SPAG16: variants seen among roughly 807,000 people sequenced by gnomAD.
The protein encoded by SPAG16 is sperm associated antigen 16, also known as sperm-associated antigen 16 protein.
SPAG16 carries 86 observed loss-of-function variants against 80.4 expected under a neutral mutation model. That is an observed-to-expected ratio of 1.07 (90% CI 0.90 to 1.28). The LOEUF (loss-of-function observed/expected upper bound fraction) is 1.28, where lower values mean the gene tolerates loss of function less well. Ranked by LOEUF, SPAG16 falls within the 50% of genes most tolerant of loss-of-function variation. The probability of loss-of-function intolerance (pLI) is 0.00; values close to 1 mark genes in which losing one functional copy is unlikely to be tolerated. For missense variants in SPAG16, 870 were observed against 765.3 expected, an observed-to-expected ratio of 1.14 and a Z score of -1.61; for synonymous variants, 294 against 265.9, an observed-to-expected ratio of 1.11 and a Z score of -1.03.
chr2:213,986,498 A>G (rs976954206), intron 12 of SPAG16, among the ~76,000 whole-genome samples: 9 of 151,848 alleles, frequency 5.9e-5, no homozygotes, highest in Admixed American at 2.0e-4. Flanking sequence ...TTAGAAAAAT[A>G]CTGAAATCCA....
At chr2:213,888,708 C>T (rs76529697) in intron 11 of SPAG16, among the ~76,000 whole-genome samples, 4,365 of 151,816 alleles carry the variant, frequency 0.029, 76 homozygotes, top group South Asian at 0.058. Flanking sequence ...ATATTGACAT[C>T]ATATTGCCAT....
chr2:213,895,013 A>AAAAAAAAAAAAC (rs1559560397), intron 11 of SPAG16, among the ~76,000 whole-genome samples: 1 of 137,060 alleles, frequency 7.3e-6, no homozygotes, highest in Non-Finnish European at 1.6e-5. Flanking sequence ...AAAAAAAAAA[A>AAAAAAAAAAAAC]AAAAAACTGA....
At chr2:213,718,632 C>T (rs925059802) in intron 10 of SPAG16, among the ~76,000 whole-genome samples, 11 of 152,192 alleles carry the variant, frequency 7.2e-5, no homozygotes, top group South Asian at 2.1e-4. Context: ...ACTTAGCACC[C>T]GGGCCAGTGG....
At chr2:213,820,391 G>A (rs1001439624) in intron 10 of SPAG16, among the ~76,000 whole-genome samples, 3 of 151,890 alleles carry the variant, frequency 2.0e-5, no homozygotes, top group Middle Eastern at 3.4e-3. Flanking sequence ...TTATTTTGTC[G>A]TAGCTTACAG....
chr2:214,311,579 A>ACTTC (rs1417729259), intron 15 of SPAG16: 1 of 151,510 alleles, frequency 6.6e-6, no homozygotes, highest in Non-Finnish European at 1.5e-5. Flanking sequence ...CAGGACTCTA[A>ACTTC]CTTCCTCTGG....
At chr2:214,305,485 C>T (rs1042243574) in intron 15 of SPAG16, among the ~76,000 whole-genome samples, 1 of 152,064 alleles carries the variant, frequency 6.6e-6, no homozygotes, top group Non-Finnish European at 1.5e-5. Flanking sequence ...AGGCTCTCTT[C>T]CTTGGATTTT....
intron 15 of SPAG16, among the ~76,000 whole-genome samples, chr2:214,272,998 A>G (rs1692151625): frequency 6.6e-6 from 1 of 152,130 alleles, no homozygotes; most frequent in Non-Finnish European, 1.5e-5. Flanking sequence ...CTGGTGTGAG[A>G]TGGTATCTCA....
intron 15 of SPAG16, among the ~76,000 whole-genome samples, chr2:214,245,999 C>G (rs1385990279): frequency 6.6e-6 from 1 of 152,062 alleles, no homozygotes; most frequent in East Asian, 1.9e-4. Flanking sequence ...GTATACGCCC[C>G]CATTGTATGG....
At chr2:213,878,350 A>G (rs576274493) in intron 11 of SPAG16, among the ~76,000 whole-genome samples, 1 of 151,958 alleles carries the variant, frequency 6.6e-6, no homozygotes, top group African/African-American at 2.4e-5. Flanking sequence ...TTATTTTTTG[A>G]CTTTTAAATA....
At chr2:214,100,116 T>C (rs1385010936) in intron 13 of SPAG16, among the ~76,000 whole-genome samples, 2 of 151,966 alleles carry the variant, frequency 1.3e-5, no homozygotes, top group Admixed American at 6.6e-5. Context: ...TGAGATCTGA[T>C]GGTTTTATAA....
At chr2:213,848,206 A>G (rs2074725589) in intron 10 of SPAG16, among the ~76,000 whole-genome samples, 1 of 152,204 alleles carries the variant, frequency 6.6e-6, no homozygotes, top group Non-Finnish European at 1.5e-5. Context: ...GTTGCTGTTT[A>G]GATGCTCCCT....
intron 13 of SPAG16, among the ~76,000 whole-genome samples, chr2:214,044,719 C>T (rs1378267985): frequency 6.6e-6 from 1 of 152,174 alleles, no homozygotes; most frequent in Non-Finnish European, 1.5e-5. Flanking sequence ...AAAATTTTTG[C>T]ACTTAAGAGA....
At chr2:213,328,563 A>C (rs2063939870) in intron 5 of SPAG16, among the ~76,000 whole-genome samples, 1 of 152,158 alleles carries the variant, frequency 6.6e-6, no homozygotes, top group African/African-American at 2.4e-5. Context: ...GATGATGCCA[A>C]ACAGTCTGCC....
At chr2:214,337,131 T>G (rs1423475861) in intron 15 of SPAG16, among the ~76,000 whole-genome samples, 1 of 151,794 alleles carries the variant, frequency 6.6e-6, no homozygotes, top group Non-Finnish European at 1.5e-5. Context: ...CAATCCTTTC[T>G]GTATGAATAA....
In SPAG16 at chr2:213,748,231, A is replaced by G. The variant is rs562169332; in HGVS notation, c.1071-114254A>G. ...TGTTTTCCTCAAGAATATTTTATGA[A>G]ATACTTTTAAAAGGAACATATTCCT... On this transcript the variant is annotated intron_variant, in intron 10 of 15. Transcript: ENST00000331683. Among the ~76,000 whole-genome samples, 15 of 152,288 alleles carry G rather than the reference A, an allele frequency of 9.8e-5. No homozygotes were observed. In the South Asian group the frequency reaches 1.9e-3, roughly 19 times the overall value.
At chr2:214,286,496 C>T (rs954345567) in intron 15 of SPAG16, among the ~76,000 whole-genome samples, 5 of 152,118 alleles carry the variant, frequency 3.3e-5, no homozygotes, top group African/African-American at 4.8e-5. Context: ...CCTATAATCC[C>T]GGCACTTTGT....
intron 15 of SPAG16, among the ~76,000 whole-genome samples, chr2:214,378,407 T>A (rs1700254127): frequency 6.6e-6 from 1 of 152,320 alleles, no homozygotes; most frequent in East Asian, 1.9e-4. Context: ...ATTGGCTCAA[T>A]GATATCATCA....
chr2:213,936,348 G>T (rs2078987987), intron 12 of SPAG16, among the ~76,000 whole-genome samples: 1 of 152,166 alleles, frequency 6.6e-6, no homozygotes, highest in African/African-American at 2.4e-5. Flanking sequence ...TATTCTCAAT[G>T]AAATGGGAAA....
chr2:213,818,675 C>T (rs573869133), intron 10 of SPAG16, among the ~76,000 whole-genome samples: 1 of 152,268 alleles, frequency 6.6e-6, no homozygotes, highest in Admixed American at 6.5e-5. Context: ...GTTCTGTGTT[C>T]CCACTCAAAT....
Sources: allele counts gnomAD v4.1 joint callset (sites outside exome capture counted in the v4.1 genomes callset), GRCh38; gene constraint gnomAD v4.1.1; transcripts MANE v1.5; gene names NCBI Gene and HGNC (gene_info 2026-07-23, HGNC 2026-07-21).